The following RBFOX1 variants were observed in gnomAD, a reference collection of about 807,000 sequenced individuals.
The protein encoded by RBFOX1 is RNA binding protein fox-1 homolog 1.
In RBFOX1, 8 loss-of-function variants were observed where a neutral mutation model predicts 57.7. The ratio of observed to expected loss-of-function variants is 0.14; its 90% CI spans 0.08 to 0.25. The LOEUF (loss-of-function observed/expected upper bound fraction) is 0.25. Ranked by LOEUF, RBFOX1 falls within the 10% of genes least tolerant of loss-of-function variation. The pLI, the probability that RBFOX1 is intolerant of heterozygous loss-of-function variation, is 1.00. For synonymous variants in RBFOX1, 326 were observed against 222.4 expected (o/e 1.47, Z -4.15); for missense variants, 611 against 548.5 (o/e 1.11, Z -1.14).
intron 2 of RBFOX1, among the ~76,000 whole-genome samples, chr16:6,342,603 G>A (rs537376485): frequency 3.9e-5 from 6 of 152,270 alleles, no homozygotes; most frequent in East Asian, 3.9e-4. Context: ...TGGCATCCAC[G>A]TGGATGTCTA....
intron 1 of RBFOX1, among the ~76,000 whole-genome samples, chr16:5,328,485 C>A (rs1178192354): frequency 6.6e-6 from 1 of 152,222 alleles, no homozygotes; most frequent in Non-Finnish European, 1.5e-5. Context: ...CTTGCCCTAG[C>A]AAACTGATGG....
At chr16:6,649,435 G>C (rs1044315248) in intron 2 of RBFOX1, among the ~76,000 whole-genome samples, 3 of 152,126 alleles carry the variant, frequency 2.0e-5, no homozygotes, top group African/African-American at 7.2e-5. Flanking sequence ...TTCTTCAGTG[G>C]TGGTTTCTGA....
At chr16:5,525,577 A>C (rs1468439029) in intron 2 of RBFOX1, among the ~76,000 whole-genome samples, 7 of 139,362 alleles carry the variant, frequency 5.0e-5, no homozygotes, top group African/African-American at 1.1e-4. Context: ...AGCTCACTGC[A>C]TTCTCCACCT....
intron 1 of RBFOX1, among the ~76,000 whole-genome samples, chr16:5,461,269 T>C (rs2068778858): frequency 6.6e-6 from 1 of 152,224 alleles, no homozygotes; most frequent in African/African-American, 2.4e-5. Flanking sequence ...TTCACTGGTT[T>C]ATTAATTCAA....
intron 5 of RBFOX1, among the ~76,000 whole-genome samples, chr16:7,564,884 C>T (rs1317337466): frequency 5.9e-5 from 9 of 152,142 alleles, no homozygotes; most frequent in Admixed American, 5.9e-4. Context: ...AGAGGAATTT[C>T]ATCACTGGAG....
chr16:5,769,521 C>T (rs1167754302), intron 3 of RBFOX1, among the ~76,000 whole-genome samples: 1 of 151,266 alleles, frequency 6.6e-6, no homozygotes, highest in Non-Finnish European at 1.5e-5. Context: ...GGTATGGTGG[C>T]AGGCACCTGT....
intron 2 of RBFOX1, among the ~76,000 whole-genome samples, chr16:5,472,055 G>T (rs1471019941): frequency 6.6e-6 from 1 of 152,148 alleles, no homozygotes; most frequent in South Asian, 2.1e-4. Flanking sequence ...TGCCTTCTCT[G>T]TGACTTCTGA....
chr16:6,690,915 C>T (rs991679111), intron 3 of RBFOX1, among the ~76,000 whole-genome samples: 7 of 152,128 alleles, frequency 4.6e-5, no homozygotes, highest in African/African-American at 1.2e-4. Context: ...TTTTCATTTT[C>T]ACCTCCGGCT....
At chr16:5,510,768 T>A (rs1057260926) in intron 2 of RBFOX1, among the ~76,000 whole-genome samples, 5 of 152,160 alleles carry the variant, frequency 3.3e-5, no homozygotes, top group African/African-American at 1.2e-4. Context: ...TTGGGCCACA[T>A]AATTCAGTGT....
chr16:5,449,749 C>G (rs2068363928), intron 1 of RBFOX1, among the ~76,000 whole-genome samples: 1 of 152,108 alleles, frequency 6.6e-6, no homozygotes, highest in Non-Finnish European at 1.5e-5. Flanking sequence ...GATGGAAACA[C>G]AGATGTATGC....
chr16:7,215,677 A>C (rs1335916836), intron 4 of RBFOX1, among the ~76,000 whole-genome samples: 1 of 151,478 alleles, frequency 6.6e-6, no homozygotes, highest in Non-Finnish European at 1.5e-5. Context: ...CCCCAATGCT[A>C]GGCCACCACT....
chr16:7,010,018 C>G (rs1406377220), intron 3 of RBFOX1, among the ~76,000 whole-genome samples: 1 of 144,986 alleles, frequency 6.9e-6, no homozygotes, highest in Non-Finnish European at 1.5e-5. Flanking sequence ...GATAGAAGCT[C>G]AGAGAACTCT....
chr16:6,431,135 C>T (rs927483698), intron 2 of RBFOX1, among the ~76,000 whole-genome samples: 1 of 151,614 alleles, frequency 6.6e-6, no homozygotes, highest in African/African-American at 2.4e-5. Context: ...AAGATCCTAT[C>T]TCAAAAAATA....
intron 1 of RBFOX1, among the ~76,000 whole-genome samples, chr16:6,064,596 A>G (rs1200569061): frequency 6.6e-6 from 1 of 152,000 alleles, no homozygotes; most frequent in Non-Finnish European, 1.5e-5. Context: ...GCTGGAGTGC[A>G]GTGGTGCGAT....
intron 3 of RBFOX1, among the ~76,000 whole-genome samples, chr16:5,674,828 C>G (rs142917401): frequency 3.1e-4 from 47 of 152,116 alleles, no homozygotes; most frequent in Middle Eastern, 3.4e-3. Flanking sequence ...TGGTCTGGCG[C>G]ACGTAGTACG....
At chr16:6,546,460 C>G (rs1048006723) in intron 2 of RBFOX1, among the ~76,000 whole-genome samples, 12 of 152,168 alleles carry the variant, frequency 7.9e-5, no homozygotes, top group African/African-American at 2.7e-4. Flanking sequence ...TAAGGGAATT[C>G]TGCCTTGCTT....
At chr16:5,746,383 G>C (rs895700977) in intron 3 of RBFOX1, among the ~76,000 whole-genome samples, 1 of 152,170 alleles carries the variant, frequency 6.6e-6, no homozygotes, top group Non-Finnish European at 1.5e-5. Context: ...GATGCTTCCA[G>C]CTTTGTTCTT....
chr16:7,099,833 A>G (rs1465799254), intron 4 of RBFOX1, among the ~76,000 whole-genome samples: 1 of 152,134 alleles, frequency 6.6e-6, no homozygotes, highest in Non-Finnish European at 1.5e-5. Context: ...ATAAAGGGTT[A>G]TGGAGACCTA....
intron 4 of RBFOX1, among the ~76,000 whole-genome samples, chr16:7,229,656 A>T (rs559412769): frequency 1.1e-5 from 1 of 88,348 alleles, no homozygotes; most frequent in African/African-American, 3.7e-5. Flanking sequence ...AGAGAGAGGG[A>T]GGAAGGGCAA....
Sources: allele counts gnomAD v4.1 joint callset (sites outside exome capture counted in the v4.1 genomes callset), GRCh38; gene constraint gnomAD v4.1.1; transcripts MANE v1.5; gene names NCBI Gene and HGNC (gene_info 2026-07-23, HGNC 2026-07-21).